The following PIP5K1B variants were observed in gnomAD, a reference collection of about 807,000 sequenced individuals.
PIP5K1B encodes phosphatidylinositol-4-phosphate 5-kinase type 1 beta, also known as phosphatidylinositol 4-phosphate 5-kinase type-1 beta.
Under a neutral mutation model 67.0 loss-of-function variants are expected in PIP5K1B, and 42 were observed. The observed-to-expected ratio is 0.63, with a 90% confidence interval of 0.49 to 0.81. The LOEUF (loss-of-function observed/expected upper bound fraction) is 0.81, where lower values mean the gene tolerates loss of function less well. Ranked by LOEUF, PIP5K1B falls within the 30% of genes least tolerant of loss-of-function variation. The pLI is 0.00. For missense variants in PIP5K1B, 459 were observed against 646.3 expected (o/e 0.71, Z 3.14); for synonymous variants, 214 against 231.4 (o/e 0.92, Z 0.68).
At chr9:68,946,445 T>A (rs570840112) in intron 14 of PIP5K1B, among the ~76,000 whole-genome samples, 1 of 151,844 alleles carries the variant, frequency 6.6e-6, no homozygotes, top group East Asian at 1.9e-4. Flanking sequence ...CAGGCTGGAG[T>A]ACAGTGGCGT....
intron 2 of PIP5K1B, among the ~76,000 whole-genome samples, chr9:68,807,670 A>G (rs1832944341): frequency 6.6e-6 from 1 of 152,214 alleles, no homozygotes; most frequent in South Asian, 2.1e-4. Flanking sequence ...TTTGTTTCTG[A>G]GACCAAACAT....
chr9:68,761,306 G>A lies in PIP5K1B; in HGVS notation c.-86+18649G>A, dbSNP rs146095512. Among the ~76,000 whole-genome samples, 66 of 152,206 alleles carry A rather than the reference G, an allele frequency of 4.3e-4. No individual in the cohort carries two copies. In the East Asian group the frequency reaches 7.3e-3, roughly 17 times the overall value. ...AAAATTGCTGCAAAGTATTATGGTA[G>A]AGAAGGCAATGATCATTAAGATATG... On this transcript the variant is annotated intron_variant, in intron 2 of 15. Transcript: ENST00000265382.
At chr9:68,815,635 G>T (rs987760494) in intron 2 of PIP5K1B, among the ~76,000 whole-genome samples, 1 of 151,916 alleles carries the variant, frequency 6.6e-6, no homozygotes, top group Non-Finnish European at 1.5e-5. Flanking sequence ...ATCCCGAGAG[G>T]AGTTATAAAC....
chr9:68,860,523 C>G (rs1440884349), intron 4 of PIP5K1B, among the ~76,000 whole-genome samples: 1 of 152,060 alleles, frequency 6.6e-6, no homozygotes, highest in East Asian at 1.9e-4. Context: ...CCTTTTTTCA[C>G]CAAAAGGAAT....
chr9:68,824,015 A>C, intron 4 of PIP5K1B: 2 of 480,814 alleles, frequency 4.2e-6, no homozygotes. Context: ...TAAAGATTCA[A>C]GAGCTCAGAA....
intron 5 of PIP5K1B, among the ~76,000 whole-genome samples, chr9:68,874,271 A>G (rs1008665110): frequency 6.6e-6 from 1 of 152,196 alleles, no homozygotes; most frequent in African/African-American, 2.4e-5. Context: ...TGGCCCAAAG[A>G]TAGCTAGATT....
At chr9:68,849,853 C>T (rs538278656) in intron 4 of PIP5K1B, among the ~76,000 whole-genome samples, 3 of 152,124 alleles carry the variant, frequency 2.0e-5, no homozygotes, top group African/African-American at 7.2e-5. Flanking sequence ...GCATGGGCTA[C>T]AATTTACCTT....
At chr9:68,723,695 G>GTTTTTTTTTTTTTTTTTTT (rs36021674) in intron 1 of PIP5K1B, among the ~76,000 whole-genome samples, 3 of 50,120 alleles carry the variant, frequency 6.0e-5, no homozygotes, top group Admixed American at 2.2e-4. Flanking sequence ...GAAGTATTTG[G>GTTTTTTTTTTTTTTTTTTT]TTTTTTTTTT....
At position 68,822,658 on chromosome 9, in the gene PIP5K1B, A is replaced by G. The variant is rs1833787584; in HGVS notation, c.44A>G (p.Gln15Arg). Residue 15 changes from glutamine (Q) to arginine (R), a missense_variant, in exon 4 of 16, where the codon CAA (glutamine) becomes CGA (arginine). Gln to Arg is a conservative substitution (Grantham distance 43). Around this residue, in one of 2 missense-constraint regions of PIP5K1B, gnomAD observed 290 missense variants for 474.4 expected, o/e 0.61. Coordinates refer to ENST00000265382, the MANE Select transcript of PIP5K1B (RefSeq NM_003558.4). ...AATGGAGAGGCAGCACCTGGAAAAC[A>G]AAATGAAGAAAAAACCTATAAAAAG... ...AENGEAAPGK[Q>R]NEEKTYKKTA... is the part of the protein sequence containing the mutation. 2 of 1,613,244 alleles carry G rather than the reference A, an allele frequency of 1.2e-6. No individual in the cohort carries two copies. The highest frequency in any genetic ancestry group is 1.7e-6 in the Non-Finnish European group (2 of 1,179,402).
intron 4 of PIP5K1B, among the ~76,000 whole-genome samples, chr9:68,833,568 C>G (rs1446846975): frequency 6.6e-6 from 1 of 151,988 alleles, no homozygotes; most frequent in African/African-American, 2.4e-5. Context: ...ACTGCCCCCC[C>G]ACCCCCCGAC....
At chr9:68,872,249 A>G (rs752495305) in intron 5 of PIP5K1B, among the ~76,000 whole-genome samples, 1 of 152,224 alleles carries the variant, frequency 6.6e-6, no homozygotes, top group Non-Finnish European at 1.5e-5. Context: ...TCAGAGAACC[A>G]AGGTTGTTGC....
Position 68,894,617 on chromosome 9 carries a change from A to G in PIP5K1B, c.750A>G (p.Lys250=). ...FDTETYNALM[K]TLQRDCRVLE... is the part of the protein sequence containing the mutation. ...CGGAAACATACAACGCGCTTATGAAAACACTTCAGAGAGACTGCCGGGTAA... is the reference window on the plus strand; with the variant it reads ...CGGAAACATACAACGCGCTTATGAAGACACTTCAGAGAGACTGCCGGGTAA... The change falls in exon 8 of 16, where the codon AAA becomes AAG. Residue 250 remains lysine (K), a synonymous_variant. Coordinates refer to ENST00000265382, the MANE Select transcript of PIP5K1B (RefSeq NM_003558.4). 1 of 1,614,116 alleles carries G rather than the reference A, an allele frequency of 6.2e-7. No homozygotes were observed. The highest frequency in any genetic ancestry group is 2.2e-5 in the East Asian group (1 of 44,868).
intron 8 of PIP5K1B, among the ~76,000 whole-genome samples, chr9:68,905,045 A>G (rs952246998): frequency 6.6e-6 from 1 of 152,114 alleles, no homozygotes; most frequent in South Asian, 2.1e-4. Context: ...AAATAGAACA[A>G]TGTTATATCT....
At chr9:68,806,384 C>T (rs1037615468) in intron 2 of PIP5K1B, among the ~76,000 whole-genome samples, 4 of 152,204 alleles carry the variant, frequency 2.6e-5, no homozygotes, top group Non-Finnish European at 4.4e-5. Context: ...TGCAGCTCTG[C>T]CCTGGTCTTT....
intron 13 of PIP5K1B, among the ~76,000 whole-genome samples, chr9:68,938,115 C>T (rs370797360): frequency 2.5e-4 from 38 of 152,148 alleles, no homozygotes; most frequent in African/African-American, 4.6e-4. Context: ...CTATTAGGTC[C>T]GCTTGGTCCA....
intron 5 of PIP5K1B, among the ~76,000 whole-genome samples, chr9:68,869,487 G>GT (rs1391297380): frequency 1.6e-4 from 24 of 152,270 alleles, no homozygotes; most frequent in African/African-American, 5.3e-4. Context: ...ATATCATGTG[G>GT]GTCAGCATAC....
At chr9:68,985,056 GGGAT>G (rs1050117304) in intron 14 of PIP5K1B, among the ~76,000 whole-genome samples, 5 of 152,286 alleles carry the variant, frequency 3.3e-5, no homozygotes, top group African/African-American at 1.2e-4. Context: ...CAGGCTGGGT[GGGAT>G]GCTCGAGTGA....
intron 14 of PIP5K1B, among the ~76,000 whole-genome samples, chr9:68,976,044 G>A (rs1219839252): frequency 6.6e-6 from 1 of 152,168 alleles, no homozygotes; most frequent in East Asian, 1.9e-4. Flanking sequence ...ATAACAACAT[G>A]GCTCTGAATA....
chr9:68,969,224 C>T (rs1277578401), intron 14 of PIP5K1B, among the ~76,000 whole-genome samples: 6 of 151,964 alleles, frequency 3.9e-5, no homozygotes, highest in South Asian at 2.1e-4. Flanking sequence ...AAAAATTAGC[C>T]GGGCATGGTG....
Sources: gnomAD v4.1 joint callset for allele counts (sites outside exome capture counted in the v4.1 genomes callset) on GRCh38, gnomAD v4.1.1 for gene constraint, gnomAD v4.1.1 regional missense constraint, MANE v1.5 for transcripts, NCBI Gene and HGNC (gene_info 2026-07-23, HGNC 2026-07-21) for gene names.